Variants in FAM13B observed in about 807,000 individuals in gnomAD.
FAM13B encodes the protein protein FAM13B.
A neutral mutation model predicts 117.3 loss-of-function variants in FAM13B; 60 were observed. The observed-to-expected ratio is 0.51, with a 90% CI of 0.42 to 0.63. The LOEUF is 0.63. Ranked by LOEUF, FAM13B falls within the 30% of genes least tolerant of loss-of-function variation. FAM13B has a pLI of 0.00. For missense variants in FAM13B, 972 were observed against 1,091.9 expected (o/e 0.89, Z 1.55); for synonymous variants, 332 against 356.1 (o/e 0.93, Z 0.76).
At position 137,942,890 on chromosome 5, in the gene FAM13B, G is replaced by T. The variant is rs779454009; in HGVS notation, c.2573C>A (p.Ser858Tyr). The change falls in exon 22 of 24, where the codon TCT becomes TAT. Residue 858 changes from serine to tyrosine, a missense_variant. Physicochemically the swap from Ser to Tyr is moderately radical, Grantham distance 144. Transcript: ENST00000689681. ...KLALDLRLSS[S>Y]RAASMPELLE... ...GCATACATACATAGAAGCTGCTCGA[G>T]AACTTGACAATCGGAGATCCAGAGC... is the stretch of plus-strand genomic sequence containing the variant. 1 of 1,609,140 alleles carries T rather than the reference G, an allele frequency of 6.2e-7. No individual in the cohort carries two copies. Among genetic ancestry groups the T allele is most frequent in the South Asian group, 1.1e-5 (1 of 89,662 alleles).
chr5:138,036,495 T>TAC (rs1292813353), upstream of FAM13B: 1 of 456,470 alleles, frequency 2.2e-6, no homozygotes, highest in African/African-American at 2.0e-5. Flanking sequence ...CTGCAGGAGG[T>TAC]ACAAGTCAAG....
intron 7 of FAM13B, among the ~76,000 whole-genome samples, chr5:137,995,499 T>C (rs1779642853): frequency 6.6e-6 from 1 of 152,238 alleles, no homozygotes; most frequent in African/African-American, 2.4e-5. Flanking sequence ...ATGGTTAACG[T>C]TTCAAGTCTA....
At chr5:138,041,063 CAAAAAAAA>C (rs5871662) in intron 1 of FAM13B, among the ~76,000 whole-genome samples, 87 of 70,474 alleles carry the variant, frequency 1.2e-3, no homozygotes, top group African/African-American at 5.0e-3. Context: ...GACTCCATCT[CAAAAAAAA>C]AAAAAAAAAA....
intron 1 of FAM13B, among the ~76,000 whole-genome samples, chr5:138,045,052 A>T (rs1268999260): frequency 6.6e-6 from 1 of 152,232 alleles, no homozygotes; most frequent in African/African-American, 2.4e-5. Flanking sequence ...TAAAATTGAA[A>T]ACATAATATC....
intron 1 of FAM13B, among the ~76,000 whole-genome samples, chr5:138,046,443 G>C (rs774792185): frequency 2.0e-5 from 3 of 152,202 alleles, no homozygotes; most frequent in Non-Finnish European, 4.4e-5. Flanking sequence ...TGAGGAAGGG[G>C]CATTGTCTAT....
At position 137,942,798 on chromosome 5, in the gene FAM13B, A is replaced by G. The variant is rs1762248613; in HGVS notation, c.2588+77T>C. The G allele has an allele frequency of 1.6e-6, 2 of 1,283,528 alleles. 1 individual carries two copies. Among genetic ancestry groups the G allele is most frequent in the South Asian group, 3.0e-5 (2 of 66,042 alleles). 79.5% of individuals were successfully genotyped at this position (1,283,528 alleles called of 1,614,324 possible). A position where few individuals can be genotyped will look rare whatever the true frequency, so the allele number is the denominator to read the frequency against. ...ATTCATCTCCTATTAATTCCTTAAT[A>G]CTCATTTAACATCAAATTTCTTGGC... On this transcript the variant is annotated intron_variant, in intron 22 of 23. Coordinates refer to ENST00000689681, the MANE Select transcript of FAM13B (RefSeq NM_001385994.1).
intron 1 of FAM13B, among the ~76,000 whole-genome samples, chr5:138,048,183 C>T (rs1291299960): frequency 6.6e-6 from 1 of 152,182 alleles, no homozygotes; most frequent in East Asian, 1.9e-4. Context: ...CTGCCCCACA[C>T]ATACAAATCT....
At chr5:137,999,990 C>A (rs189712913) in intron 7 of FAM13B, among the ~76,000 whole-genome samples, 2 of 151,826 alleles carry the variant, frequency 1.3e-5, no homozygotes, top group Non-Finnish European at 2.9e-5. Flanking sequence ...GAATCCTTCA[C>A]GATAGAAATT....
chr5:137,962,815 T>C (rs993497541), intron 10 of FAM13B, among the ~76,000 whole-genome samples: 8 of 152,076 alleles, frequency 5.3e-5, no homozygotes, highest in South Asian at 2.1e-4. Flanking sequence ...GCTACAAAGA[T>C]ACAAGTTTGG....
chr5:138,045,135 G>T (rs540126743), intron 1 of FAM13B, among the ~76,000 whole-genome samples: 1 of 152,104 alleles, frequency 6.6e-6, no homozygotes, highest in African/African-American at 2.4e-5. Context: ...CAGAATATAG[G>T]TATAAAAATG....
chr5:138,018,532 A>C lies in FAM13B; in HGVS notation c.158-18T>G. On this transcript the variant is annotated intron_variant, in intron 3 of 23. Coordinates refer to ENST00000689681, the MANE Select transcript of FAM13B (RefSeq NM_001385994.1). ...CAGACCTCCTACGTTAGTTCAAGGC[A>C]ATCATTCAATAAGCTGCAATGTCAA... is the stretch of plus-strand genomic sequence containing the variant. The C allele has an allele frequency of 6.2e-7, 1 of 1,602,734 alleles. No homozygotes were observed. The highest frequency in any genetic ancestry group is 1.1e-5 in the South Asian group (1 of 90,636).
chr5:138,009,402 T>C (rs1783377768), intron 6 of FAM13B, among the ~76,000 whole-genome samples: 2 of 152,016 alleles, frequency 1.3e-5, no homozygotes. Flanking sequence ...TTATCCTCTT[T>C]CCCCATCTAC....
intron 7 of FAM13B, among the ~76,000 whole-genome samples, chr5:138,004,640 C>T (rs1430443980): frequency 6.6e-6 from 1 of 152,182 alleles, no homozygotes; most frequent in East Asian, 1.9e-4. Context: ...ACACAAGTGG[C>T]CGGGCACAGT....
chr5:137,989,894 G>C (rs977372776), intron 7 of FAM13B, among the ~76,000 whole-genome samples: 1 of 146,790 alleles, frequency 6.8e-6, no homozygotes, highest in African/African-American at 2.5e-5. Context: ...AAAAGCTGGG[G>C]GGAAAAAACC....
intron 1 of FAM13B, among the ~76,000 whole-genome samples, chr5:138,048,754 A>G (rs972195311): frequency 6.6e-5 from 10 of 152,160 alleles, no homozygotes; most frequent in African/African-American, 2.4e-4. Flanking sequence ...TTATTTTGCA[A>G]ATTGTATATA....
chr5:138,044,274 G>T (rs545407407), intron 1 of FAM13B, among the ~76,000 whole-genome samples: 24 of 152,176 alleles, frequency 1.6e-4, no homozygotes, highest in African/African-American at 5.8e-4. Flanking sequence ...ATAATAGGCC[G>T]GGCGCTGTGG....
intron 3 of FAM13B, 102 bp downstream of exon 3, chr5:138,018,853 G>A: frequency 1.1e-6 from 1 of 909,142 alleles, no homozygotes; most frequent in Non-Finnish European, 1.6e-6. Flanking sequence ...CTATGTTTTG[G>A]ACTTTCCATA....
chr5:137,974,663 CAA>C (rs34041801), intron 10 of FAM13B, among the ~76,000 whole-genome samples: 33 of 120,600 alleles, frequency 2.7e-4, no homozygotes, highest in Non-Finnish European at 3.4e-4. Flanking sequence ...AGCATTTCTC[CAA>C]AAAAAAAAAA....
intron 13 of FAM13B, among the ~76,000 whole-genome samples, chr5:137,958,508 G>A (rs1235063066): frequency 6.6e-6 from 1 of 151,686 alleles, no homozygotes; most frequent in Non-Finnish European, 1.5e-5. Context: ...CACTTAAACA[G>A]TGCCAAAAGG....
Sources: allele counts gnomAD v4.1 joint callset (sites outside exome capture counted in the v4.1 genomes callset), GRCh38; gene constraint gnomAD v4.1.1; transcripts MANE v1.5; gene names NCBI Gene and HGNC (gene_info 2026-07-23, HGNC 2026-07-21).